Variants in PARD3 observed in about 807,000 individuals in gnomAD.
The protein encoded by PARD3 is par-3 family cell polarity regulator, also known as partitioning defective 3 homolog.
In PARD3, 75 loss-of-function variants were observed where a neutral mutation model predicts 155.4. That is an observed-to-expected ratio of 0.48 (90% CI 0.40 to 0.58). The LOEUF (loss-of-function observed/expected upper bound fraction) is 0.58. PARD3 is among the 20% of genes least tolerant of loss of function. PARD3 has a pLI of 0.00. For synonymous variants in PARD3, 576 were observed against 610.5 expected, an observed-to-expected ratio of 0.94 and a Z score of 0.83; for missense variants, 1,642 against 1,721.7, an observed-to-expected ratio of 0.95 and a Z score of 0.82.
intron 22 of PARD3, among the ~76,000 whole-genome samples, chr10:34,269,044 T>G (rs1163610978): frequency 6.6e-6 from 1 of 152,186 alleles, no homozygotes; most frequent in African/African-American, 2.4e-5. Context: ...ATGTAAAAAT[T>G]ACTCACATGT....
intron 1 of PARD3, among the ~76,000 whole-genome samples, chr10:34,745,236 G>A (rs1590920735): frequency 6.6e-6 from 1 of 152,190 alleles, no homozygotes; most frequent in Middle Eastern, 3.4e-3. Context: ...GGTAGCATGA[G>A]CCTGTAGTCC....
At chr10:34,621,244 G>A (rs896181566) in intron 2 of PARD3, among the ~76,000 whole-genome samples, 4 of 151,984 alleles carry the variant, frequency 2.6e-5, no homozygotes, top group African/African-American at 9.7e-5. Context: ...TCTTTGAGGG[G>A]AGGGAAGAGT....
At position 34,183,414 on chromosome 10, in the gene PARD3, G is replaced by A. The variant is rs114742316; in HGVS notation, c.3420-51831C>T. Among the ~76,000 whole-genome samples, 1,116 of 152,240 alleles carry A rather than the reference G, an allele frequency of 7.3e-3. 11 individuals are homozygous for A. The highest frequency in any genetic ancestry group is 0.024 in the African/African-American group (1,015 of 41,544). On this transcript the variant is annotated intron_variant, in intron 22 of 24. Transcript: ENST00000374788. ...AAGGACTTCTTGATAAGGGTTTTTC[G>A]TTTAATAAAAGCAACCTCCAAACTG...
intron 22 of PARD3, among the ~76,000 whole-genome samples, chr10:34,249,702 G>A (rs1208338327): frequency 6.6e-6 from 1 of 152,128 alleles, no homozygotes; most frequent in Non-Finnish European, 1.5e-5. Flanking sequence ...CTCTGGCTCT[G>A]ATCTGATCAT....
chr10:34,132,612 C>T (rs2132786800), intron 22 of PARD3, among the ~76,000 whole-genome samples: 1 of 152,308 alleles, frequency 6.6e-6, no homozygotes, highest in African/African-American at 2.4e-5. Flanking sequence ...AATCTCACAG[C>T]ACTTTTGGTC....
At chr10:34,579,554 C>CTCTG (rs1554775574) in intron 2 of PARD3, among the ~76,000 whole-genome samples, 24 of 122,574 alleles carry the variant, frequency 2.0e-4, no homozygotes, top group African/African-American at 3.1e-4. Context: ...ACCATTTTCT[C>CTCTG]TGTGTGTGTG....
intron 1 of PARD3, among the ~76,000 whole-genome samples, chr10:34,785,038 G>C (rs1449236691): frequency 6.6e-6 from 1 of 152,118 alleles, no homozygotes; most frequent in African/African-American, 2.4e-5. Context: ...TTAATTTATA[G>C]GAACAAATAT....
At chr10:34,345,092 A>G in intron 15 of PARD3, 1 of 983,832 alleles carries the variant, frequency 1.0e-6, no homozygotes, top group Non-Finnish European at 1.2e-6. Flanking sequence ...ACTAATAAAG[A>G]ATGAAGATCT....
At chr10:34,319,682 A>C (rs1179664112) in intron 19 of PARD3, among the ~76,000 whole-genome samples, 1 of 152,188 alleles carries the variant, frequency 6.6e-6, no homozygotes, top group African/African-American at 2.4e-5. Flanking sequence ...CTTACTAATT[A>C]TGTGCAGCCT....
At chr10:34,571,748 ACAAGT>A (rs1399224321) in intron 2 of PARD3, among the ~76,000 whole-genome samples, 1 of 152,258 alleles carries the variant, frequency 6.6e-6, no homozygotes, top group African/African-American at 2.4e-5. Flanking sequence ...GGTTGAACCA[ACAAGT>A]CAAGTTTTGG....
chr10:34,173,663 C>G (rs1949904998), intron 22 of PARD3, among the ~76,000 whole-genome samples: 1 of 152,086 alleles, frequency 6.6e-6, no homozygotes, highest in Non-Finnish European at 1.5e-5. Context: ...TTTATCAAAC[C>G]CTCCAACATC....
chr10:34,433,822 T>G (rs1157614234), intron 5 of PARD3, among the ~76,000 whole-genome samples: 1 of 152,164 alleles, frequency 6.6e-6, no homozygotes, highest in African/African-American at 2.4e-5. Context: ...TAATAACAAA[T>G]GTATTCAATA....
At chr10:34,497,191 A>G (rs568176549) in intron 3 of PARD3, among the ~76,000 whole-genome samples, 1 of 152,354 alleles carries the variant, frequency 6.6e-6, no homozygotes, top group African/African-American at 2.4e-5. Flanking sequence ...CATGGATTCA[A>G]ACTGAATCCA....
chr10:34,506,481 G>A (rs73263311), intron 3 of PARD3, among the ~76,000 whole-genome samples: 131 of 152,192 alleles, frequency 8.6e-4, no homozygotes, highest in African/African-American at 3.1e-3. Flanking sequence ...TCAATGGGGA[G>A]AAGTCATGCA....
At chr10:34,659,434 T>C (rs2067650) in intron 2 of PARD3, among the ~76,000 whole-genome samples, 48,665 of 152,044 alleles carry the variant, frequency 0.32, 7,973 homozygotes, top group South Asian at 0.42. Context: ...AACTGTTTCA[T>C]TGCTTCACTT....
intron 5 of PARD3, among the ~76,000 whole-genome samples, chr10:34,439,708 C>CA (rs2076368028): frequency 6.6e-6 from 1 of 150,874 alleles, no homozygotes; most frequent in South Asian, 2.1e-4. Flanking sequence ...CCACCTGCCT[C>CA]AGCCTCCCAA....
intron 22 of PARD3, among the ~76,000 whole-genome samples, chr10:34,168,990 G>C (rs1302448438): frequency 6.6e-6 from 1 of 152,200 alleles, no homozygotes; most frequent in African/African-American, 2.4e-5. Context: ...CTCAAATGTA[G>C]AGTACAGAAT....
chr10:34,784,656 C>G (rs969353574), intron 1 of PARD3, among the ~76,000 whole-genome samples: 3 of 152,178 alleles, frequency 2.0e-5, no homozygotes, highest in Non-Finnish European at 2.9e-5. Context: ...AGGCTGGTCT[C>G]GAACTCCTGA....
rs11402018 is a variant in PARD3, at chr10:34,674,478, A to ATTT, written c.222+21837_222+21839dup. 4.9e-4 allele frequency among the ~76,000 whole-genome samples: 39 copies of ATTT among 79,528 alleles called. 3 individuals are homozygous for ATTT. The highest frequency in any genetic ancestry group is 2.3e-3 in the South Asian group (4 of 1,728). 52.2% of individuals were successfully genotyped at this position (79,528 alleles called of 152,430 possible). A position where few individuals can be genotyped will look rare whatever the true frequency, so the allele number is the denominator to read the frequency against. On this transcript the variant is annotated intron_variant, in intron 2 of 24. Coordinates refer to ENST00000374788, the MANE Select transcript of PARD3 (RefSeq NM_001184785.2). ...TTCTTCTACCACCTGCACGCTCTTG[A>ATTT]TTTTTTTTTTTTTTTTTTTTTTTTT...
Sources: allele counts gnomAD v4.1 joint callset (sites outside exome capture counted in the v4.1 genomes callset), GRCh38; gene constraint gnomAD v4.1.1; transcripts MANE v1.5; gene names NCBI Gene and HGNC (gene_info 2026-07-23, HGNC 2026-07-21).